Variants in CFAP47 observed in about 807,000 individuals in gnomAD.
CFAP47 encodes the protein cilia and flagella associated protein 47, also known as cilia- and flagella-associated protein 47.
Under a neutral mutation model 148.1 loss-of-function variants are expected in CFAP47, and 29 were observed. The observed-to-expected ratio is 0.20, with a 90% CI of 0.15 to 0.27. CFAP47 has a LOEUF of 0.27. Among genes scored for constraint, CFAP47 ranks in the 10% least tolerant of loss-of-function variants. The probability of loss-of-function intolerance (pLI) is 1.00; values close to 1 mark genes in which losing one functional copy is unlikely to be tolerated. For missense variants in CFAP47, 1,872 were observed against 1,697.5 expected, an observed-to-expected ratio of 1.10 and a Z score of -1.81; for synonymous variants, 664 against 577.3, an observed-to-expected ratio of 1.15 and a Z score of -2.15.
At chrX:36,379,129 A>ATAAGG (rs1942053172) in intron 62 of CFAP47, among the ~76,000 whole-genome samples, 2 of 87,159 alleles carry the variant, frequency 2.3e-5, no homozygotes, top group African/African-American at 1.4e-4. Context: ...GCATTATAAG[A>ATAAGG]TGTGATTTTA....
At chrX:36,330,292 A>G (rs1941554057) in intron 57 of CFAP47, among the ~76,000 whole-genome samples, 1 of 111,862 alleles carries the variant, frequency 8.9e-6, no homozygotes, top group African/African-American at 3.3e-5. Context: ...AGAAACATTT[A>G]TTTATATTTT....
chrX:36,163,070 C>T (rs1939448733), intron 39 of CFAP47, among the ~76,000 whole-genome samples: 1 of 111,873 alleles, frequency 8.9e-6, no homozygotes, highest in Non-Finnish European at 1.9e-5. Context: ...TTACTAATTC[C>T]ATCTCTTTGT....
At position 36,169,520 on chromosome X, in the gene CFAP47, T is replaced by G. The variant is rs201837192; in HGVS notation, c.6026+8751T>G. On this transcript the variant is annotated intron_variant, in intron 39 of 63. Transcript: ENST00000378653. Reference sequence around the variant, plus strand: ...ACGTATTTTTAAATGCACTGCTTCTTTTTTTCTTTTGCCATACCAAACCTG... The same window carrying G: ...ACGTATTTTTAAATGCACTGCTTCTGTTTTTCTTTTGCCATACCAAACCTG... Among the ~76,000 whole-genome samples the G allele has an allele frequency of 6.3e-5, 7 of 111,407 alleles. No individual in the cohort carries two copies. The East Asian group carries it at 2.0e-3, about 31-fold the overall frequency.
chrX:36,267,963 G>A (rs1374208282), intron 49 of CFAP47, among the ~76,000 whole-genome samples: 3 of 112,892 alleles, frequency 2.7e-5, no homozygotes, highest in African/African-American at 9.7e-5. Flanking sequence ...TATTACCCTA[G>A]AGGGTTTGTG....
chrX:36,268,155 C>A (rs372760244), intron 49 of CFAP47, among the ~76,000 whole-genome samples: 13 of 113,425 alleles, frequency 1.1e-4, no homozygotes, highest in African/African-American at 4.2e-4. Flanking sequence ...TGATTGCTAG[C>A]CTGGCCTTGG....
chrX:36,266,849 G>A (rs1360450143), intron 49 of CFAP47, among the ~76,000 whole-genome samples: 1 of 111,023 alleles, frequency 9.0e-6, no homozygotes, highest in Admixed American at 9.6e-5. Context: ...CTCAGGAGCT[G>A]TTCAGGGCCT....
At chrX:36,198,684 G>T (rs184596645) in intron 42 of CFAP47, among the ~76,000 whole-genome samples, 6 of 111,754 alleles carry the variant, frequency 5.4e-5, no homozygotes, top group African/African-American at 1.3e-4. Flanking sequence ...CTTCCTGCTA[G>T]AGTCTGTTTT....
intron 3 of CFAP47, among the ~76,000 whole-genome samples, chrX:35,941,984 T>G (rs1430244957): frequency 9.1e-6 from 1 of 110,422 alleles, no homozygotes; most frequent in Non-Finnish European, 1.9e-5. Context: ...TTCCAGGGAT[T>G]CTTACTGTGG....
intron 27 of CFAP47, 89 bp from the exon 28 acceptor site, chrX:36,071,736 A>G: frequency 1.3e-6 from 1 of 784,816 alleles, no homozygotes; most frequent in Non-Finnish European, 1.9e-6. Context: ...ATACATCAAT[A>G]GATAATAGAT....
intron 57 of CFAP47, among the ~76,000 whole-genome samples, chrX:36,330,496 C>T (rs1556013867): frequency 8.9e-6 from 1 of 111,936 alleles, no homozygotes; most frequent in Non-Finnish European, 1.9e-5. Flanking sequence ...CCTAAATCCA[C>T]ATTCCATTGG....
At position 36,078,906 on chromosome X, in the gene CFAP47, T is replaced by C. The variant is rs752191476; in HGVS notation, c.4691+5542T>C. Among the ~76,000 whole-genome samples the C allele has an allele frequency of 3.4e-3, 378 of 111,021 alleles. 1 individual carries two copies. The highest frequency in any genetic ancestry group is 0.012 in the African/African-American group (352 of 30,320). On this transcript the variant is annotated intron_variant, in intron 29 of 63. Coordinates refer to ENST00000378653, the MANE Select transcript of CFAP47 (RefSeq NM_001304548.2). Reference sequence around the variant, plus strand: ...AAATCTCTCAGCATTTGCTTGTCTATAAAGGATTTTATTTCTCCTTCACTT... The same window carrying C: ...AAATCTCTCAGCATTTGCTTGTCTACAAAGGATTTTATTTCTCCTTCACTT...
intron 42 of CFAP47, among the ~76,000 whole-genome samples, chrX:36,194,439 AG>A (rs1939897898): frequency 9.0e-6 from 1 of 111,552 alleles, no homozygotes; most frequent in South Asian, 3.8e-4. Context: ...CCACATTTTC[AG>A]GTATCTTTAT....
intron 46 of CFAP47, among the ~76,000 whole-genome samples, chrX:36,235,476 G>A (rs961825965): frequency 2.7e-5 from 3 of 112,314 alleles, no homozygotes; most frequent in Non-Finnish European, 5.6e-5. Flanking sequence ...GTGGAAAAGC[G>A]CAGTATTGAG....
intron 57 of CFAP47, among the ~76,000 whole-genome samples, chrX:36,329,992 A>G (rs938484607): frequency 1.8e-5 from 2 of 112,361 alleles, no homozygotes; most frequent in Admixed American, 9.4e-5. Context: ...ATGTGTAATA[A>G]TTATATTCTT....
At position 35,997,335 on chromosome X, in the gene CFAP47, T is replaced by G. The variant is rs1200955831; in HGVS notation, c.3123T>G (p.Val1041=). The G allele has an allele frequency of 3.4e-6, 1 of 293,853 alleles. No individual in the cohort carries two copies. Among genetic ancestry groups the G allele is most frequent in the East Asian group, 4.8e-5 (1 of 20,838 alleles). 24.2% of individuals were successfully genotyped at this position (293,853 alleles called of 1,213,427 possible). A position where few individuals can be genotyped will look rare whatever the true frequency, so the allele number is the denominator to read the frequency against. The change falls in exon 19 of 64, where the codon GTT becomes GTG. Residue 1041 remains valine, a synonymous_variant. Coordinates refer to ENST00000378653, the MANE Select transcript of CFAP47 (RefSeq NM_001304548.2). ...RAKVSIRHAN[V]IDLRIGGSAE... is the part of the protein sequence containing the mutation. ...AGGTTTCTATTCGTCATGCGAATGT[T>G]ATAGACCTTAGGATTGGTGGATCTG...
rs1937330200 is a variant in CFAP47 at position 36,035,713 on chromosome X, A to T, written c.3670A>T (p.Ile1224Phe). Reference sequence around the variant, plus strand: ...TGAGCAGAATCTTGTTTTATATAATATTACCAAACACCATGTGACATGGAC... The same window carrying T: ...TGAGCAGAATCTTGTTTTATATAATTTTACCAAACACCATGTGACATGGAC... ...TKTQNLVLYN[I>F]TKHHVTWTLD... The change falls in exon 24 of 64, where the codon ATT (isoleucine) becomes TTT (phenylalanine). Residue 1224 changes from isoleucine (I) to phenylalanine (F), a missense_variant. Physicochemically the swap from Ile to Phe is conservative, Grantham distance 21 (BLOSUM62 0). Coordinates refer to ENST00000378653, the MANE Select transcript of CFAP47 (RefSeq NM_001304548.2). 3.4e-6 allele frequency: 1 copy of T among 295,942 alleles called. No individual in the cohort carries two copies. Among genetic ancestry groups the T allele is most frequent in the East Asian group, 4.8e-5 (1 of 20,918 alleles). 24.4% of individuals were successfully genotyped at this position (295,942 alleles called of 1,213,427 possible).
chrX:36,174,287 A>T (rs1398944926), intron 39 of CFAP47, among the ~76,000 whole-genome samples: 20 of 110,133 alleles, frequency 1.8e-4, no homozygotes, highest in African/African-American at 6.6e-4. Context: ...ATTGGAGCAT[A>T]CAGTCCATTT....
intron 1 of CFAP47, among the ~76,000 whole-genome samples, chrX:35,925,493 C>G (rs1935724253): frequency 8.9e-6 from 1 of 111,967 alleles, no homozygotes. Flanking sequence ...GCTCATTCCA[C>G]AATGTATACC....
chrX:36,104,832 A>G (rs6629045), intron 33 of CFAP47, 141 bp downstream of exon 33: 52,425 of 304,350 alleles, frequency 0.17, 7,439 homozygotes, highest in African/African-American at 0.66. Context: ...CTACAAAAAT[A>G]ATGCCTCCTT....
Sources: allele counts gnomAD v4.1 joint callset (sites outside exome capture counted in the v4.1 genomes callset), GRCh38; gene constraint gnomAD v4.1.1; transcripts MANE v1.5; gene names NCBI Gene and HGNC (gene_info 2026-07-23, HGNC 2026-07-21).